Variants in TMEM135 observed in about 807,000 individuals in gnomAD.
TMEM135 encodes transmembrane protein 135.
Under a neutral mutation model 60.3 loss-of-function variants are expected in TMEM135, and 30 were observed. The observed-to-expected ratio is 0.50, with a 90% CI of 0.37 to 0.68. The LOEUF (loss-of-function observed/expected upper bound fraction) is 0.68. Ranked by LOEUF, TMEM135 falls within the 30% of genes least tolerant of loss-of-function variation. The pLI is 0.00. For missense variants in TMEM135, 468 were observed against 548.8 expected (o/e 0.85, Z 1.47); for synonymous variants, 190 against 186.7 (o/e 1.02, Z -0.14).
chr11:87,257,791 TGTG>T (rs1941559240), intron 6 of TMEM135, among the ~76,000 whole-genome samples: 1 of 152,150 alleles, frequency 6.6e-6, no homozygotes, highest in Non-Finnish European at 1.5e-5. Flanking sequence ...TAAAAGTAAT[TGTG>T]GTGATGGCTG....
At chr11:87,153,135 A>G (rs1026527934) in intron 4 of TMEM135, among the ~76,000 whole-genome samples, 2 of 152,186 alleles carry the variant, frequency 1.3e-5, no homozygotes, top group African/African-American at 4.8e-5. Context: ...CAAATTACAT[A>G]TTTTTGATTA....
chr11:87,307,252 T>A (rs2084885747), intron 9 of TMEM135, among the ~76,000 whole-genome samples: 1 of 152,074 alleles, frequency 6.6e-6, no homozygotes. Context: ...CAGCCCACAC[T>A]TAGCTTCACA....
At chr11:87,221,005 C>T in intron 5 of TMEM135, among the ~76,000 whole-genome samples, 1 of 152,056 alleles carries the variant, frequency 6.6e-6, no homozygotes, top group Middle Eastern at 3.4e-3. Context: ...TATGCTATTG[C>T]TACTAAAAAA....
chr11:87,109,549 G>A (rs533302673), intron 4 of TMEM135, among the ~76,000 whole-genome samples: 2 of 152,254 alleles, frequency 1.3e-5, no homozygotes, highest in South Asian at 4.1e-4. Context: ...GATGATGTAG[G>A]CATTGTGACA....
chr11:87,276,146 C>G (rs1941962224), intron 6 of TMEM135, among the ~76,000 whole-genome samples: 1 of 152,152 alleles, frequency 6.6e-6, no homozygotes, highest in African/African-American at 2.4e-5. Flanking sequence ...AGACTGGACA[C>G]TAACGCACAT....
chr11:87,191,987 C>CTTTTTTTTTTTTTTTTT (rs200969171), intron 5 of TMEM135, among the ~76,000 whole-genome samples: 33 of 77,168 alleles, frequency 4.3e-4, no homozygotes, highest in East Asian at 1.1e-3. Flanking sequence ...CTTTTCTTTT[C>CTTTTTTTTTTTTTTTTT]TTTTTTTTTT....
intron 6 of TMEM135, chr11:87,258,916 A>G: frequency 4.6e-6 from 6 of 1,313,376 alleles, no homozygotes; most frequent in East Asian, 2.3e-5. Context: ...GTTAGGCCCT[A>G]GAAGTATCTG....
chr11:87,230,372 G>C (rs1940865080), intron 5 of TMEM135, among the ~76,000 whole-genome samples: 1 of 151,998 alleles, frequency 6.6e-6, no homozygotes, highest in African/African-American at 2.4e-5. Context: ...TCCTTCTGAA[G>C]TATATTGCCC....
At chr11:87,318,597 A>G (rs949914892) in intron 13 of TMEM135, among the ~76,000 whole-genome samples, 2 of 152,094 alleles carry the variant, frequency 1.3e-5, no homozygotes, top group African/African-American at 4.8e-5. Flanking sequence ...ATAAATATAA[A>G]TAATTGCATT....
intron 6 of TMEM135, among the ~76,000 whole-genome samples, chr11:87,288,217 T>G (rs1942204158): frequency 6.6e-6 from 1 of 152,204 alleles, no homozygotes; most frequent in Non-Finnish European, 1.5e-5. Context: ...ATGCTAAATA[T>G]AGCAATAATA....
At chr11:87,182,156 G>T (rs1291402474) in intron 5 of TMEM135, among the ~76,000 whole-genome samples, 1 of 151,970 alleles carries the variant, frequency 6.6e-6, no homozygotes, top group Non-Finnish European at 1.5e-5. Context: ...AACTTGTTTA[G>T]TGTGTTTGCA....
Position 87,328,156 on chromosome 11 carries a change from A to G in TMEM135, c.*6823A>G, listed in dbSNP as rs1323864532. The stretch of plus-strand genomic sequence containing the variant: ...GTTACTTTCAGCTGAAAACATTTCT[A>G]ATGGACATATTCCAATTCTGTATAG... On this transcript the variant is annotated 3_prime_UTR_variant, in exon 15 of 15. Coordinates refer to ENST00000305494, the MANE Select transcript of TMEM135 (RefSeq NM_022918.4). The G allele has an allele frequency of 1.3e-5, 6 of 453,948 alleles. No homozygotes were observed. Among genetic ancestry groups the G allele is most frequent in the Admixed American group, 7.1e-5 (3 of 42,550 alleles). The allele number at this position is 453,948 out of a possible 1,614,324, so 28.1% of individuals were successfully genotyped here. A position where few individuals can be genotyped will look rare whatever the true frequency, so the allele number is the denominator to read the frequency against.
rs1172104349 is a variant in TMEM135, at chr11:87,119,189, CTCT to C, written c.396+27799_396+27801del. On this transcript the variant is annotated intron_variant, in intron 4 of 14. Coordinates refer to ENST00000305494, the MANE Select transcript of TMEM135 (RefSeq NM_022918.4). Reference sequence around the variant, plus strand: ...TTGATTTAAAGTGAAAGACATACATCTCTTCTTTTCACTTGAACACTTAGAATT... The same window carrying C: ...TTGATTTAAAGTGAAAGACATACATCTCTTTTCACTTGAACACTTAGAATT... 1.2e-3 allele frequency among the ~76,000 whole-genome samples: 185 copies of C among 152,320 alleles called. 2 individuals carry two copies. The highest frequency in any genetic ancestry group is 1.3e-4 in the Non-Finnish European group (9 of 68,034).
intron 5 of TMEM135, among the ~76,000 whole-genome samples, chr11:87,169,240 C>G (rs889985212): frequency 6.8e-6 from 1 of 147,994 alleles, no homozygotes; most frequent in African/African-American, 2.5e-5. Flanking sequence ...ACTGATGGGT[C>G]TTGACTCTTT....
rs749505327 is a variant in TMEM135 at position 87,321,853 on chromosome 11, C to T, written c.*520C>T. 4 of 454,316 alleles carry T rather than the reference C, an allele frequency of 8.8e-6. No individual in the cohort carries two copies. The highest frequency in any genetic ancestry group is 6.9e-4 in the Middle Eastern group (1 of 1,444). 28.1% of individuals were successfully genotyped at this position (454,316 alleles called of 1,614,324 possible). A position where few individuals can be genotyped will look rare whatever the true frequency, so the allele number is the denominator to read the frequency against. ...AACTCTCCACGGACAGTGCTGCTTT[C>T]GTGTAGAGCAATTTAATTGGAGAAG... On this transcript the variant is annotated 3_prime_UTR_variant, in exon 15 of 15. Transcript: ENST00000305494.
intron 10 of TMEM135, among the ~76,000 whole-genome samples, chr11:87,312,822 T>C (rs559946256): frequency 2.0e-5 from 3 of 152,076 alleles, no homozygotes; most frequent in South Asian, 2.1e-4. Flanking sequence ...CTATTTTAGA[T>C]AGTTAATTCA....
At chr11:87,154,214 A>G (rs1022131995) in intron 4 of TMEM135, among the ~76,000 whole-genome samples, 5 of 152,210 alleles carry the variant, frequency 3.3e-5, no homozygotes, top group African/African-American at 1.2e-4. Flanking sequence ...TACTTCATAT[A>G]AGTGAATCAT....
At chr11:87,272,788 T>TA (rs1158978164) in intron 6 of TMEM135, among the ~76,000 whole-genome samples, 1 of 152,240 alleles carries the variant, frequency 6.6e-6, no homozygotes, top group African/African-American at 2.4e-5. Context: ...TTCTGATTGA[T>TA]ACTCTGATTA....
intron 6 of TMEM135, among the ~76,000 whole-genome samples, chr11:87,276,558 TTG>T (rs199780176): frequency 6.0e-4 from 89 of 148,524 alleles, no homozygotes; most frequent in Admixed American, 6.7e-4. Context: ...ATAAGAGTGT[TTG>T]TGTGTGTGTG....
Sources: allele counts gnomAD v4.1 joint callset (sites outside exome capture counted in the v4.1 genomes callset), GRCh38; gene constraint gnomAD v4.1.1; transcripts MANE v1.5; gene names NCBI Gene and HGNC (gene_info 2026-07-23, HGNC 2026-07-21).